Variants in ZNF221 observed in about 807,000 individuals in gnomAD.
ZNF221 encodes zinc finger protein 221.
A neutral mutation model predicts 12.6 loss-of-function variants in ZNF221; 10 were observed. That is an observed-to-expected ratio of 0.79 (90% CI 0.49 to 1.34). The LOEUF is 1.34. Among genes scored for constraint, ZNF221 ranks in the 40% most tolerant of loss-of-function variants. The pLI is 0.00. For missense variants in ZNF221, 661 were observed against 721.4 expected, an observed-to-expected ratio of 0.92 and a Z score of 0.96; for synonymous variants, 232 against 244.0, an observed-to-expected ratio of 0.95 and a Z score of 0.46.
In ZNF221 at chr19:43,967,178, A is replaced by C. The variant is rs1974989197; in HGVS notation, c.1676A>C (p.Glu559Ala). 1 of 1,593,350 alleles carries C rather than the reference A, an allele frequency of 6.3e-7. No individual in the cohort carries two copies. ...LDMHQRVHGG[E>A]RPYNCKECGK... Reference sequence around the variant, plus strand: ...ATGCACCAGAGGGTCCACGGGGGAGAGCGACCCTATAATTGTAAGGAATGT... The same window carrying C: ...ATGCACCAGAGGGTCCACGGGGGAGCGCGACCCTATAATTGTAAGGAATGT... The change falls in exon 5 of 5, where the codon GAG becomes GCG. Residue 559 changes from glutamate (E) to alanine (A), a missense_variant. Transcript: ENST00000587682.
At chr19:43,972,295 T>C (rs1975113563), downstream of ZNF221, among the ~76,000 whole-genome samples, 1 of 152,062 alleles carries the variant, frequency 6.6e-6, no homozygotes, top group African/African-American at 2.4e-5. Context: ...AAGACAGAAA[T>C]TAATAGCACT....
In ZNF221 at chr19:43,965,225, G is replaced by T; in HGVS notation, c.209-8G>T. 1 of 1,607,076 alleles carries T rather than the reference G, an allele frequency of 6.2e-7. No homozygotes were observed. The highest frequency in any genetic ancestry group is 1.3e-5 in the African/African-American group (1 of 74,682). On this transcript the variant is annotated splice_polypyrimidine_tract_variant and splice_region_variant and intron_variant, in intron 3 of 4. Coordinates refer to ENST00000587682, the MANE Select transcript of ZNF221 (RefSeq NM_001297588.2). The stretch of plus-strand genomic sequence containing the variant: ...GTTGGAATTAAGCATGTCACTGTGT[G>T]TTCACAGGGAATCAACCATTCCACC...
At chr19:43,977,094 C>G in the ZNF221 span, 1 of 152,084 alleles carries the variant, frequency 6.6e-6, no homozygotes, top group Non-Finnish European at 1.5e-5. Context: ...TAGGGAAATC[C>G]TATTGTAGCC....
At chr19:43,965,517 T>C (rs1974927812) in intron 4 of ZNF221, among the ~76,000 whole-genome samples, 192 bp downstream of exon 4, 1 of 152,252 alleles carries the variant, frequency 6.6e-6, no homozygotes, top group Non-Finnish European at 1.5e-5. Flanking sequence ...TAATTTATCA[T>C]ACAAGATTTT....
the ZNF221 span, chr19:43,977,375 T>C: frequency 6.6e-6 from 1 of 152,248 alleles, no homozygotes; most frequent in Non-Finnish European, 1.5e-5. Flanking sequence ...CATTGTCATA[T>C]GACAGTTCAA....
At chr19:43,962,005 G>A (rs1005589582) in intron 1 of ZNF221, 1 of 152,092 alleles carries the variant, frequency 6.6e-6, no homozygotes, top group Non-Finnish European at 1.5e-5. Flanking sequence ...AAATAAAAAC[G>A]TTTCTTACGG....
chr19:43,959,541 C>T (rs947652722), intron 1 of ZNF221, among the ~76,000 whole-genome samples: 2 of 152,188 alleles, frequency 1.3e-5, no homozygotes, highest in Non-Finnish European at 1.5e-5. Flanking sequence ...GTGCTATCCC[C>T]TTGGTGATTA....
chr19:43,971,273 GAAAA>G (rs1975090743), downstream of ZNF221, among the ~76,000 whole-genome samples: 1 of 151,932 alleles, frequency 6.6e-6, no homozygotes, highest in Non-Finnish European at 1.5e-5. Flanking sequence ...AATATGGAAA[GAAAA>G]AACCATTACC....
chr19:43,952,027 C>A lies in ZNF221; in HGVS notation c.-3+627C>A, dbSNP rs377345993. Among the ~76,000 whole-genome samples, 1,327 of 151,438 alleles carry A rather than the reference C, an allele frequency of 8.8e-3. 16 individuals are homozygous for A. The highest frequency in any genetic ancestry group is 0.023 in the Admixed American group (346 of 15,204). ...TAGCTGGGACTACAGGCGCCCGCTA[C>A]CACGCCCGGCTAATTTTTTGTATTT... On this transcript the variant is annotated intron_variant, in intron 1 of 4. Coordinates refer to ENST00000587682, the MANE Select transcript of ZNF221 (RefSeq NM_001297588.2).
At chr19:43,976,264 G>A in the ZNF221 span, among the ~76,000 whole-genome samples, 10 of 151,984 alleles carry the variant, frequency 6.6e-5, no homozygotes, top group Admixed American at 2.6e-4. Flanking sequence ...AAGGCCAGGT[G>A]TGGTGGCTCA....
At chr19:43,976,839 G>A in the ZNF221 span, 104 of 152,314 alleles carry the variant, frequency 6.8e-4, no homozygotes, top group Middle Eastern at 0.01. Flanking sequence ...TTTTTGGAAA[G>A]TGGTATATGG....
chr19:43,978,964 C>A, the ZNF221 span, among the ~76,000 whole-genome samples: 2 of 139,306 alleles, frequency 1.4e-5, no homozygotes, highest in African/African-American at 2.7e-5. Flanking sequence ...TTTTGATACA[C>A]TATGACAATA....
chr19:43,972,130 C>T (rs928026857), downstream of ZNF221, among the ~76,000 whole-genome samples: 2 of 152,100 alleles, frequency 1.3e-5, no homozygotes, highest in Admixed American at 6.5e-5. Context: ...GAAATTAACT[C>T]AGAACCACAC....
At chr19:43,981,478 G>A in the ZNF221 span, among the ~76,000 whole-genome samples, 8 of 152,260 alleles carry the variant, frequency 5.3e-5, no homozygotes, top group Middle Eastern at 3.4e-3. Context: ...AAATGTACAA[G>A]TGTATTTATA....
chr19:43,961,732 CT>C (rs1974846224), intron 1 of ZNF221: 1 of 152,116 alleles, frequency 6.6e-6, no homozygotes, highest in African/African-American at 2.4e-5. Context: ...ATTCAACAGG[CT>C]TTGTCTTTTT....
the ZNF221 span, chr19:43,977,097 T>C: frequency 6.6e-6 from 1 of 152,230 alleles, no homozygotes; most frequent in Non-Finnish European, 1.5e-5. Flanking sequence ...GGAAATCCTA[T>C]TGTAGCCTTC....
chr19:43,962,701 T>C (rs1380891330), intron 1 of ZNF221, 24 bp from the exon 2 acceptor site: 3 of 1,611,072 alleles, frequency 1.9e-6, no homozygotes, highest in Non-Finnish European at 2.5e-6. Context: ...TGTCTGTTTT[T>C]CTGCCTTTCC....
At position 43,967,488 on chromosome 19, in the gene ZNF221, T is replaced by C. The variant is rs956310412; in HGVS notation, c.*132T>C. On this transcript the variant is annotated 3_prime_UTR_variant, in exon 5 of 5. Transcript: ENST00000587682. ...TTGTACATAGATCATATCTTTTTTTTTTTTTTTTGAGACAGAGTCTCACTC... is the reference window on the plus strand; with the variant it reads ...TTGTACATAGATCATATCTTTTTTTCTTTTTTTTGAGACAGAGTCTCACTC... 5.3e-5 allele frequency: 39 copies of C among 739,554 alleles called. No individual in the cohort carries two copies. The Admixed American group carries it at 7.1e-4, about 14-fold the overall frequency. 45.8% of individuals were successfully genotyped at this position (739,554 alleles called of 1,614,324 possible). A position where few individuals can be genotyped will look rare whatever the true frequency, so the allele number is the denominator to read the frequency against.
chr19:43,962,544 T>C (rs1157439021), intron 1 of ZNF221, among the ~76,000 whole-genome samples, 181 bp from the exon 2 acceptor site: 1 of 152,238 alleles, frequency 6.6e-6, no homozygotes, highest in Non-Finnish European at 1.5e-5. Context: ...TGTATGGATA[T>C]GCCATGATTT....
Sources: allele counts gnomAD v4.1 joint callset (sites outside exome capture counted in the v4.1 genomes callset), GRCh38; gene constraint gnomAD v4.1.1; transcripts MANE v1.5; gene names NCBI Gene and HGNC (gene_info 2026-07-23, HGNC 2026-07-21).